ZNF354B: variants seen among roughly 807,000 people sequenced by gnomAD.
ZNF354B encodes zinc finger protein 354B.
Under a neutral mutation model 12.9 loss-of-function variants are expected in ZNF354B, and 10 were observed. The ratio of observed to expected loss-of-function variants is 0.77; its 90% CI spans 0.48 to 1.31. The LOEUF (loss-of-function observed/expected upper bound fraction) is 1.31, where lower values mean the gene tolerates loss of function less well. ZNF354B is among the 40% of genes most tolerant of loss of function. The pLI is 0.00. For missense variants in ZNF354B, 614 were observed against 711.7 expected (o/e 0.86, Z 1.56); for synonymous variants, 260 against 243.7 (o/e 1.07, Z -0.62).
chr5:178,879,124 C>T (rs1243288412), intron 4 of ZNF354B, among the ~76,000 whole-genome samples: 2 of 151,924 alleles, frequency 1.3e-5, no homozygotes, highest in African/African-American at 4.8e-5. Context: ...TCTCGGCTCA[C>T]TTCAGCCTCT....
At chr5:178,863,550 A>T (rs1258954581) in intron 2 of ZNF354B, among the ~76,000 whole-genome samples, 1 of 152,242 alleles carries the variant, frequency 6.6e-6, no homozygotes, top group Non-Finnish European at 1.5e-5. Flanking sequence ...GCGATTGTAC[A>T]GTTCATAATA....
intron 4 of ZNF354B, among the ~76,000 whole-genome samples, chr5:178,875,819 C>A (rs1258247913): frequency 1.3e-5 from 2 of 152,118 alleles, no homozygotes; most frequent in Non-Finnish European, 2.9e-5. Flanking sequence ...AGACTGAGGG[C>A]AGCAGGTGTA....
At chr5:178,882,506 C>T (rs371450161) in intron 4 of ZNF354B, among the ~76,000 whole-genome samples, 10 of 152,274 alleles carry the variant, frequency 6.6e-5, no homozygotes, top group South Asian at 4.1e-4. Flanking sequence ...CACACTCACC[C>T]GCCTTAACTG....
At position 178,883,951 on chromosome 5, in the gene ZNF354B, A is replaced by T. The variant is rs757268780; in HGVS notation, c.1499A>T (p.Asp500Val). 6 of 1,614,026 alleles carry T rather than the reference A, an allele frequency of 3.7e-6. No individual in the cohort carries two copies. In the African/African-American group the frequency reaches 5.3e-5, roughly 14 times the overall value. Reference protein sequence around the residue: ...GERPYKCNECDKTFRCNSSLS... With the variant: ...GERPYKCNECVKTFRCNSSLS... ...AGACCCTATAAGTGTAACGAATGTG[A>T]CAAAACATTCAGGTGTAACTCATCG... is the stretch of plus-strand genomic sequence containing the variant. The change falls in exon 5 of 5, where the codon GAC becomes GTC. Residue 500 changes from aspartate to valine, a missense_variant. Transcript: ENST00000322434.
At chr5:178,873,876 T>C (rs1241032006) in intron 4 of ZNF354B, among the ~76,000 whole-genome samples, 2 of 152,128 alleles carry the variant, frequency 1.3e-5, no homozygotes, top group African/African-American at 2.4e-5. Context: ...GATATGTCGT[T>C]CTATTTATTG....
intron 3 of ZNF354B, among the ~76,000 whole-genome samples, chr5:178,866,644 CT>C (rs1757462592): frequency 6.6e-6 from 1 of 152,158 alleles, no homozygotes. Flanking sequence ...CATTTTCCTG[CT>C]TTGGTTGTTC....
chr5:178,880,119 C>T (rs1397563953), intron 4 of ZNF354B, among the ~76,000 whole-genome samples: 1 of 152,162 alleles, frequency 6.6e-6, no homozygotes, highest in Non-Finnish European at 1.5e-5. Context: ...GAGCGAGACT[C>T]CGTCTCAAAA....
At chr5:178,864,477 C>T (rs904201286) in intron 2 of ZNF354B, among the ~76,000 whole-genome samples, 5 of 152,072 alleles carry the variant, frequency 3.3e-5, no homozygotes, top group East Asian at 1.9e-4. Flanking sequence ...CAGAATGTAC[C>T]TCCATCGTTA....
At chr5:178,876,526 G>T (rs944102520) in intron 4 of ZNF354B, among the ~76,000 whole-genome samples, 9 of 152,134 alleles carry the variant, frequency 5.9e-5, no homozygotes, top group African/African-American at 1.9e-4. Flanking sequence ...TGCATATTTC[G>T]GCCTGCTTGA....
chr5:178,870,230 A>G (rs1028546027), intron 4 of ZNF354B, among the ~76,000 whole-genome samples: 2 of 152,182 alleles, frequency 1.3e-5, no homozygotes, highest in Non-Finnish European at 2.9e-5. Context: ...TATGCTCCCC[A>G]TGATAGGACT....
intron 4 of ZNF354B, among the ~76,000 whole-genome samples, chr5:178,870,647 G>A (rs1465448082): frequency 6.6e-6 from 1 of 152,160 alleles, no homozygotes; most frequent in Non-Finnish European, 1.5e-5. Flanking sequence ...TGAACGGAGG[G>A]GTTGCTCAGC....
intron 4 of ZNF354B, among the ~76,000 whole-genome samples, chr5:178,878,009 G>C (rs1465749295): frequency 3.3e-5 from 5 of 152,164 alleles, no homozygotes; most frequent in African/African-American, 9.7e-5. Flanking sequence ...TATGTAAGTA[G>C]TATGCCACCA....
chr5:178,868,671 G>T (rs930417188), intron 4 of ZNF354B, among the ~76,000 whole-genome samples: 3 of 152,148 alleles, frequency 2.0e-5, no homozygotes, highest in African/African-American at 7.2e-5. Context: ...AATTGCTCAG[G>T]CCTAAAGAAT....
intron 4 of ZNF354B, among the ~76,000 whole-genome samples, chr5:178,880,240 G>A (rs1462249253): frequency 6.8e-6 from 1 of 147,240 alleles, no homozygotes; most frequent in Non-Finnish European, 1.5e-5. Flanking sequence ...TCACTCTGTT[G>A]CCAGGCTTGA....
chr5:178,883,873 C>T lies in ZNF354B; in HGVS notation c.1421C>T (p.Ala474Val). The change falls in exon 5 of 5, where the codon GCC (alanine) becomes GTC (valine). Residue 474 changes from alanine (A) to valine (V), a missense_variant. Ala to Val is a moderately conservative substitution (Grantham distance 64). Transcript: ENST00000322434. ...TGTAAATGTAAAGTATGTGGAAAAG[C>T]CTTCAGACAGAGTTCCGCTCTCATT... ...KPCKCKVCGK[A>V]FRQSSALIQH... 1.9e-6 allele frequency: 3 copies of T among 1,614,104 alleles called. No individual in the cohort carries two copies. The highest frequency in any genetic ancestry group is 2.5e-6 in the Non-Finnish European group (3 of 1,180,000).
Position 178,882,830 on chromosome 5 carries a change from A to C in ZNF354B, c.378A>C (p.Ile126=), listed in dbSNP as rs1561671686. ...PWNFISERSC[I]YEEKLKKQQD... is the part of the protein sequence containing the mutation. ...ACTTCATATCAGAAAGATCCTGCAT[A>C]TATGAAGAGAAATTAAAGAAACAGC... is the stretch of plus-strand genomic sequence containing the variant. Residue 126 remains isoleucine, a synonymous_variant, in exon 5 of 5, where the codon ATA becomes ATC. Transcript: ENST00000322434. The C allele has an allele frequency of 1.2e-6, 2 of 1,606,636 alleles. No homozygotes were observed. Among genetic ancestry groups the C allele is most frequent in the Non-Finnish European group, 1.7e-6 (2 of 1,178,400 alleles).
At chr5:178,879,182 G>C (rs1757682508) in intron 4 of ZNF354B, among the ~76,000 whole-genome samples, 1 of 151,762 alleles carries the variant, frequency 6.6e-6, no homozygotes, top group Non-Finnish European at 1.5e-5. Flanking sequence ...CCGAGTAGCT[G>C]GGATTACAGG....
At chr5:178,860,541 T>G in intron 1 of ZNF354B, 1 of 192,478 alleles carries the variant, frequency 5.2e-6, no homozygotes, top group Non-Finnish European at 1.1e-5. Flanking sequence ...CGGGAGACGA[T>G]TCGTTGGCGG....
At chr5:178,881,993 G>C (rs1257795149) in intron 4 of ZNF354B, among the ~76,000 whole-genome samples, 3 of 152,190 alleles carry the variant, frequency 2.0e-5, no homozygotes, top group Non-Finnish European at 2.9e-5. Flanking sequence ...TTAAATTGTA[G>C]GGAAAATAAT....
Sources: gnomAD v4.1 joint callset for allele counts (sites outside exome capture counted in the v4.1 genomes callset) on GRCh38, gnomAD v4.1.1 for gene constraint, MANE v1.5 for transcripts, NCBI Gene and HGNC (gene_info 2026-07-23, HGNC 2026-07-21) for gene names.